The following ITPR1 variants were observed in gnomAD, a reference collection of about 807,000 sequenced individuals.
ITPR1 encodes inositol 1,4,5-trisphosphate receptor type 1.
In ITPR1, 96 loss-of-function variants were observed where a neutral mutation model predicts 318.4. The observed-to-expected ratio is 0.30, with a 90% CI of 0.26 to 0.36. The LOEUF (loss-of-function observed/expected upper bound fraction) is 0.36. Ranked by LOEUF, ITPR1 falls within the 10% of genes least tolerant of loss-of-function variation. The pLI, the probability that ITPR1 is intolerant of heterozygous loss-of-function variation, is 1.00. For missense variants in ITPR1, 2,440 were observed against 3,460.2 expected, an observed-to-expected ratio of 0.71 and a Z score of 7.40; for synonymous variants, 1,312 against 1,289.9, an observed-to-expected ratio of 1.02 and a Z score of -0.37.
intron 53 of ITPR1, among the ~76,000 whole-genome samples, chr3:4,796,267 A>G (rs890512140): frequency 2.7e-5 from 4 of 150,586 alleles, no homozygotes; most frequent in Non-Finnish European, 4.4e-5. Flanking sequence ...CCCCGCTCCG[A>G]AAAGTACAAT....
chr3:4,818,303 GC>G, intron 60 of ITPR1, 61 bp downstream of exon 60: 2 of 1,333,230 alleles, frequency 1.5e-6, no homozygotes, highest in Non-Finnish European at 2.0e-6. Context: ...TCTGAGCAAG[GC>G]CCCAGCAGCC....
intron 60 of ITPR1, chr3:4,830,899 A>G (rs1408143707): frequency 2.0e-5 from 9 of 456,176 alleles, no homozygotes; most frequent in Non-Finnish European, 4.0e-5. Flanking sequence ...GCTATAAAAG[A>G]TTCCACAAAA....
Position 4,581,353 on chromosome 3 carries a change from T to C in ITPR1, c.164-46410T>C, listed in dbSNP as rs929209623. Among the ~76,000 whole-genome samples, 65 of 152,308 alleles carry C rather than the reference T, an allele frequency of 4.3e-4. 1 individual carries two copies. The highest frequency in any genetic ancestry group is 1.5e-3 in the African/African-American group (63 of 41,548). ...GTGCTATGCTAGTCTCTGTCCTGAC[T>C]TCACTCCCTGGTGTAGGGTTAAAAA... On this transcript the variant is annotated intron_variant, in intron 4 of 61. Transcript: ENST00000649015.
intron 4 of ITPR1, among the ~76,000 whole-genome samples, chr3:4,551,504 A>T (rs902982): frequency 6.6e-6 from 1 of 152,100 alleles, no homozygotes; most frequent in Non-Finnish European, 1.5e-5. Flanking sequence ...CTTCTTATCT[A>T]GAGAGATTAT....
intron 21 of ITPR1, 38 bp from the exon 22 acceptor site, chr3:4,674,164 T>A (rs1293715286): frequency 2.0e-6 from 3 of 1,525,410 alleles, no homozygotes; most frequent in African/African-American, 1.4e-5. Context: ...TGGGAATAAC[T>A]TGAAATTTTG....
At chr3:4,522,480 G>C (rs73807284) in intron 4 of ITPR1, among the ~76,000 whole-genome samples, 1 of 152,200 alleles carries the variant, frequency 6.6e-6, no homozygotes, top group Admixed American at 6.5e-5. Context: ...TCCAGTTGGC[G>C]TGAGACAATC....
intron 4 of ITPR1, among the ~76,000 whole-genome samples, chr3:4,547,918 A>G (rs2085183982): frequency 6.6e-6 from 1 of 152,102 alleles, no homozygotes; most frequent in Admixed American, 6.5e-5. Context: ...TGTTAAATTC[A>G]AGTTACTTCT....
At position 4,715,291 on chromosome 3, in the gene ITPR1, A is replaced by AC. The variant is rs145485866; in HGVS notation, c.5104-2075dup. Among the ~76,000 whole-genome samples, 249 of 152,342 alleles carry AC rather than the reference A, an allele frequency of 1.6e-3. 5 individuals carry two copies. In the East Asian group the frequency reaches 0.041, roughly 25 times the overall value. On this transcript the variant is annotated intron_variant, in intron 39 of 61. Coordinates refer to ENST00000649015, the MANE Select transcript of ITPR1 (RefSeq NM_001378452.1). ...TGAACCTGTAAGTTTCCTTTATGTT[A>AC]CACGATTATGTAAACAATAGTGGGC...
intron 40 of ITPR1, among the ~76,000 whole-genome samples, chr3:4,721,170 G>GTTTATATATATATATA (rs1204537563): frequency 7.4e-5 from 1 of 13,564 alleles, no homozygotes; most frequent in Non-Finnish European, 1.3e-4. Context: ...GTGTGTGTGC[G>GTTTATATATATATATA]TGTATATATA....
intron 4 of ITPR1, among the ~76,000 whole-genome samples, chr3:4,620,402 C>T (rs2092581395): frequency 6.6e-6 from 1 of 152,158 alleles, no homozygotes; most frequent in African/African-American, 2.4e-5. Flanking sequence ...ACTGCTCTTC[C>T]TGTGTGTTTT....
At chr3:4,801,068 C>T (rs1575301388) in intron 54 of ITPR1, among the ~76,000 whole-genome samples, 1 of 152,176 alleles carries the variant, frequency 6.6e-6, no homozygotes, top group Non-Finnish European at 1.5e-5. Flanking sequence ...AGAGGAGAAG[C>T]AGAGACAATT....
In ITPR1 at chr3:4,584,413, G is replaced by A. The variant is rs191621824; in HGVS notation, c.164-43350G>A. ...TCGTTTTGTGTCTTAGCCTAAAAAC[G>A]AAGTTTACAGGCCCCCCAGTCCTCA... On this transcript the variant is annotated intron_variant, in intron 4 of 61. Coordinates refer to ENST00000649015, the MANE Select transcript of ITPR1 (RefSeq NM_001378452.1). Among the ~76,000 whole-genome samples the A allele has an allele frequency of 9.2e-5, 14 of 152,234 alleles. No homozygotes were observed. In the East Asian group the frequency reaches 2.1e-3, roughly 23 times the overall value.
chr3:4,773,098 T>C (rs1302417554), intron 46 of ITPR1, among the ~76,000 whole-genome samples: 3 of 152,240 alleles, frequency 2.0e-5, no homozygotes, highest in Non-Finnish European at 4.4e-5. Flanking sequence ...GATCGGTCCC[T>C]CTGTACGCAC....
intron 26 of ITPR1, among the ~76,000 whole-genome samples, chr3:4,682,709 G>T (rs1480936584): frequency 6.6e-6 from 1 of 152,070 alleles, no homozygotes; most frequent in Non-Finnish European, 1.5e-5. Flanking sequence ...CACCTTTTTG[G>T]AATACATAGC....
intron 4 of ITPR1, among the ~76,000 whole-genome samples, chr3:4,593,965 G>A (rs2090595456): frequency 6.6e-6 from 1 of 152,214 alleles, no homozygotes; most frequent in Admixed American, 6.5e-5. Flanking sequence ...CTGGAGAGCT[G>A]AGATAATTGG....
chr3:4,842,968 G>A (rs2051462725), intron 61 of ITPR1, among the ~76,000 whole-genome samples: 1 of 151,434 alleles, frequency 6.6e-6, no homozygotes, highest in South Asian at 2.1e-4. Context: ...AATAAAACCA[G>A]AAATTATGTG....
chr3:4,710,897 T>C lies in ITPR1; in HGVS notation c.4991+424T>C, dbSNP rs1342535954. ...AATCTGTAAGCAACAAGCAGACCCA[T>C]GGTTAGAAATCTCCATTAGATTTTT... On this transcript the variant is annotated intron_variant, in intron 38 of 61. Coordinates refer to ENST00000649015, the MANE Select transcript of ITPR1 (RefSeq NM_001378452.1). This position sits in a 1 kb window ranked among gnomAD's most constrained non-coding sequence, Gnocchi z 4.2. Among the ~76,000 whole-genome samples, 3 of 152,294 alleles carry C rather than the reference T, an allele frequency of 2.0e-5. No individual in the cohort carries two copies. The East Asian group carries it at 5.8e-4, about 29-fold the overall frequency.
At chr3:4,672,862 A>G (rs142478172) in intron 20 of ITPR1, among the ~76,000 whole-genome samples, 2 of 152,304 alleles carry the variant, frequency 1.3e-5, no homozygotes, top group Non-Finnish European at 2.9e-5. Flanking sequence ...ACCTAGTGGA[A>G]TTAGGTCGTC....
chr3:4,575,411 A>G (rs1018599406), intron 4 of ITPR1, among the ~76,000 whole-genome samples: 1 of 152,184 alleles, frequency 6.6e-6, no homozygotes, highest in Non-Finnish European at 1.5e-5. Flanking sequence ...TTGGAAGTTA[A>G]AATATGCTTG....
Sources: gnomAD v4.1 joint callset for allele counts (sites outside exome capture counted in the v4.1 genomes callset) on GRCh38, gnomAD v4.1.1 for gene constraint, Gnocchi (gnomAD v3.1) non-coding constraint, MANE v1.5 for transcripts, NCBI Gene and HGNC (gene_info 2026-07-23, HGNC 2026-07-21) for gene names.